ZMYM2: variants seen among roughly 807,000 people sequenced by gnomAD.
ZMYM2 encodes the protein zinc finger MYM-type protein 2.
In ZMYM2, 56 loss-of-function variants were observed where a neutral mutation model predicts 162.8. The observed-to-expected ratio is 0.34, with a 90% CI of 0.28 to 0.43. The LOEUF (loss-of-function observed/expected upper bound fraction) is 0.43, where lower values mean the gene tolerates loss of function less well. Among genes scored for constraint, ZMYM2 ranks in the 20% least tolerant of loss-of-function variants. The pLI is 1.00. For synonymous variants in ZMYM2, 510 were observed against 541.6 expected (o/e 0.94, Z 0.81); for missense variants, 1,275 against 1,621.8 (o/e 0.79, Z 3.67).
chr13:20,036,196 A>C, intron 11 of ZMYM2, among the ~76,000 whole-genome samples: 1 of 152,190 alleles, frequency 6.6e-6, no homozygotes, highest in East Asian at 1.9e-4. Context: ...GCGTTTATGT[A>C]GTAGAAAAAA....
At chr13:19,875,362 G>A in the ZMYM2 span, among the ~76,000 whole-genome samples, 1 of 152,242 alleles carries the variant, frequency 6.6e-6, no homozygotes, top group South Asian at 2.1e-4. Flanking sequence ...GGGCGCAGCG[G>A]CTCACACCTG....
At chr13:19,937,340 A>G in the ZMYM2 span, among the ~76,000 whole-genome samples, 1 of 151,678 alleles carries the variant, frequency 6.6e-6, no homozygotes, top group Non-Finnish European at 1.5e-5. Context: ...GGGTTTCACC[A>G]TGTTGGTCAG....
chr13:19,915,304 A>G, the ZMYM2 span, among the ~76,000 whole-genome samples: 4 of 152,216 alleles, frequency 2.6e-5, no homozygotes, highest in Admixed American at 2.0e-4. Context: ...TATGTTGGCC[A>G]GGTTGGTCTT....
intron 2 of ZMYM2, among the ~76,000 whole-genome samples, chr13:19,983,624 A>T (rs1385676820): frequency 1.3e-5 from 2 of 151,630 alleles, no homozygotes; most frequent in Admixed American, 1.3e-4. Context: ...AGGAATTTTT[A>T]TTTTATTATT....
chr13:20,027,834 C>T lies in ZMYM2; in HGVS notation c.1851+516C>T, dbSNP rs535084753. On this transcript the variant is annotated intron_variant, in intron 9 of 24. Coordinates refer to ENST00000610343, the MANE Select transcript of ZMYM2 (RefSeq NM_197968.4). ...AGAAAGACTTGCTAACATAGTTTTT[C>T]AAATTTGGAGTATGGATAGTCTCAG... Among the ~76,000 whole-genome samples, 7 of 152,092 alleles carry T rather than the reference C, an allele frequency of 4.6e-5. No individual in the cohort carries two copies. The South Asian group carries it at 1.5e-3, about 32-fold the overall frequency.
intron 21 of ZMYM2, chr13:20,071,826 C>G (rs1957108088): frequency 5.4e-6 from 1 of 184,106 alleles, no homozygotes; most frequent in Admixed American, 6.3e-5. Context: ...ATCTTTCTGC[C>G]TCAGTTCAAA....
Position 20,026,682 on chromosome 13 carries a change from T to C in ZMYM2, c.1655T>C (p.Ile552Thr). ...QCRFFDMTQCIGPNGYMEPYC... is the reference protein window; with the variant it reads ...QCRFFDMTQCTGPNGYMEPYC... ...AGGTTTTTTGATATGACTCAGTGTA[T>C]AGGTCCTAATGGATATATGGAGCCA... Residue 552 changes from isoleucine (I) to threonine (T), a missense_variant, in exon 8 of 25, where the codon ATA (isoleucine) becomes ACA (threonine). Physicochemically the swap from Ile to Thr is moderately conservative, Grantham distance 89. Transcript: ENST00000610343. 1 of 1,611,000 alleles carries C rather than the reference T, an allele frequency of 6.2e-7. No homozygotes were observed. Among genetic ancestry groups the C allele is most frequent in the Non-Finnish European group, 8.5e-7 (1 of 1,179,216 alleles).
chr13:19,936,036 T>C, the ZMYM2 span, among the ~76,000 whole-genome samples: 2 of 152,212 alleles, frequency 1.3e-5, no homozygotes, highest in South Asian at 2.1e-4. Flanking sequence ...TTGCACTTGT[T>C]AGCTGGAATC....
intron 12 of ZMYM2, among the ~76,000 whole-genome samples, chr13:20,038,373 T>TCCAGAA (rs1184876663): frequency 1.3e-5 from 2 of 152,216 alleles, no homozygotes; most frequent in Non-Finnish European, 2.9e-5. Flanking sequence ...AGAATGGTAT[T>TCCAGAA]GCCTAGGTTG....
At chr13:19,956,168 C>A (rs1477531714), upstream of ZMYM2, among the ~76,000 whole-genome samples, 2 of 152,250 alleles carry the variant, frequency 1.3e-5, no homozygotes, top group Non-Finnish European at 2.9e-5. Flanking sequence ...CAGTTCTGGG[C>A]AACCAGTAAT....
At chr13:20,026,036 G>C (rs990623579) in intron 7 of ZMYM2, 6 of 152,022 alleles carry the variant, frequency 3.9e-5, no homozygotes, top group Non-Finnish European at 7.4e-5. Flanking sequence ...AAGTCATTTT[G>C]AATGTGGTTT....
At chr13:19,981,302 CA>C (rs370355968) in intron 2 of ZMYM2, among the ~76,000 whole-genome samples, 35 of 123,892 alleles carry the variant, frequency 2.8e-4, no homozygotes, top group African/African-American at 1.2e-3. Context: ...AACAAACAAA[CA>C]AAAAAAAAAA....
chr13:19,932,120 C>T, the ZMYM2 span, among the ~76,000 whole-genome samples: 2 of 152,158 alleles, frequency 1.3e-5, no homozygotes, highest in African/African-American at 4.8e-5. Flanking sequence ...GGAAATGTCC[C>T]ATATGCTAGA....
the ZMYM2 span, among the ~76,000 whole-genome samples, chr13:19,897,218 A>G: frequency 6.6e-6 from 1 of 152,198 alleles, no homozygotes; most frequent in African/African-American, 2.4e-5. Flanking sequence ...AGACAAAAAA[A>G]GTTATAAAAC....
the ZMYM2 span, among the ~76,000 whole-genome samples, chr13:19,880,235 C>T: frequency 2.6e-5 from 4 of 152,104 alleles, no homozygotes; most frequent in Non-Finnish European, 5.9e-5. Flanking sequence ...CATGTATATC[C>T]TATTGGCTCT....
At chr13:19,923,151 A>T in the ZMYM2 span, among the ~76,000 whole-genome samples, 1 of 150,306 alleles carries the variant, frequency 6.7e-6, no homozygotes, top group Non-Finnish European at 1.5e-5. Context: ...AACAACTTGA[A>T]CATGGCCAAC....
At position 20,058,679 on chromosome 13, in the gene ZMYM2, C is replaced by T. The variant is rs1223616478; in HGVS notation, c.2598C>T (p.His866=). ...TMTKATYCKP[H]MQTKSCQTDD... is the part of the protein sequence containing the mutation. ...CAAAAGCTACTTACTGTAAACCTCA[C>T]ATGCAGACCAAATCTTGTCAGACAG... Residue 866 remains histidine, a synonymous_variant, in exon 15 of 25, where the codon CAC becomes CAT. Transcript: ENST00000610343. 6.2e-7 allele frequency: 1 copy of T among 1,613,742 alleles called. No homozygotes were observed. The highest frequency in any genetic ancestry group is 2.2e-5 in the East Asian group (1 of 44,838).
chr13:19,928,147 G>A, the ZMYM2 span, among the ~76,000 whole-genome samples: 390 of 152,046 alleles, frequency 2.6e-3, 1 homozygote, highest in African/African-American at 8.9e-3. Flanking sequence ...CTGGGACTAC[G>A]GGCACTCACT....
chr13:20,008,827 CA>C (rs1950950421), intron 6 of ZMYM2, among the ~76,000 whole-genome samples: 1 of 151,208 alleles, frequency 6.6e-6, no homozygotes, highest in East Asian at 1.9e-4. Flanking sequence ...ATACTTAAAG[CA>C]GTAAAAATGA....
Sources: gnomAD v4.1 joint callset for allele counts (sites outside exome capture counted in the v4.1 genomes callset) on GRCh38, gnomAD v4.1.1 for gene constraint, MANE v1.5 for transcripts, NCBI Gene and HGNC (gene_info 2026-07-23, HGNC 2026-07-21) for gene names.